ITFG1: variants seen among roughly 807,000 people sequenced by gnomAD.
The protein encoded by ITFG1 is integrin alpha FG-GAP repeat containing 1.
Under a neutral mutation model 81.8 loss-of-function variants are expected in ITFG1, and 34 were observed. The ratio of observed to expected loss-of-function variants is 0.42; its 90% CI spans 0.32 to 0.55. The LOEUF is 0.55. ITFG1 is among the 20% of genes least tolerant of loss of function. ITFG1 has a pLI of 0.17. For synonymous variants in ITFG1, 285 were observed against 270.6 expected, an observed-to-expected ratio of 1.05 and a Z score of -0.52; for missense variants, 672 against 755.4, an observed-to-expected ratio of 0.89 and a Z score of 1.29.
intron 6 of ITFG1, among the ~76,000 whole-genome samples, chr16:47,391,953 AC>A (rs1257510059): frequency 1.3e-5 from 2 of 152,202 alleles, no homozygotes; most frequent in East Asian, 3.8e-4. Flanking sequence ...TACTGTTCTA[AC>A]TGGAAATACA....
chr16:47,389,791 GTT>G (rs1168842317), intron 6 of ITFG1, among the ~76,000 whole-genome samples: 2 of 152,070 alleles, frequency 1.3e-5, no homozygotes, highest in African/African-American at 4.8e-5. Context: ...AAAATAAAAA[GTT>G]AAAAAAGTTA....
intron 10 of ITFG1, among the ~76,000 whole-genome samples, chr16:47,305,972 T>C (rs1341149242): frequency 6.6e-6 from 1 of 152,112 alleles, no homozygotes; most frequent in Non-Finnish European, 1.5e-5. Flanking sequence ...TAAATAACTG[T>C]AGCAACAAAA....
At chr16:47,189,904 T>C (rs1965271750) in intron 14 of ITFG1, among the ~76,000 whole-genome samples, 1 of 152,200 alleles carries the variant, frequency 6.6e-6, no homozygotes, top group East Asian at 1.9e-4. Flanking sequence ...TCCACACAGC[T>C]CCCATAAAAC....
intron 6 of ITFG1, among the ~76,000 whole-genome samples, chr16:47,423,934 T>C (rs371453260): frequency 2.6e-5 from 4 of 152,324 alleles, no homozygotes; most frequent in East Asian, 1.9e-4. Context: ...AGGAGTATCT[T>C]TGTGGTATTC....
At chr16:47,330,497 C>T (rs1464126526) in intron 8 of ITFG1, among the ~76,000 whole-genome samples, 2 of 151,388 alleles carry the variant, frequency 1.3e-5, no homozygotes, top group Non-Finnish European at 3.0e-5. Flanking sequence ...ATAAACAAAC[C>T]CAAAAAACAA....
chr16:47,226,653 G>A (rs1352418802), intron 13 of ITFG1, among the ~76,000 whole-genome samples: 3 of 151,520 alleles, frequency 2.0e-5, no homozygotes, highest in Non-Finnish European at 4.4e-5. Context: ...ACAGTTCGCT[G>A]AGAATGATGG....
intron 7 of ITFG1, among the ~76,000 whole-genome samples, chr16:47,366,484 A>AG (rs1243037418): frequency 1.3e-5 from 2 of 152,216 alleles, no homozygotes; most frequent in East Asian, 3.8e-4. Context: ...TAAGCTAAAT[A>AG]GAAAAGGAGA....
chr16:47,163,171 A>G (rs1028006334), intron 14 of ITFG1, among the ~76,000 whole-genome samples: 25 of 152,230 alleles, frequency 1.6e-4, no homozygotes, highest in African/African-American at 6.0e-4. Flanking sequence ...TCACCCGTTT[A>G]AAGTGTACAG....
chr16:47,375,152 T>C (rs1176417729), intron 7 of ITFG1, among the ~76,000 whole-genome samples: 1 of 152,196 alleles, frequency 6.6e-6, no homozygotes, highest in Admixed American at 6.5e-5. Context: ...TTCATAAAGA[T>C]CCTGTGAAGC....
chr16:47,364,277 T>G (rs1407510488), intron 8 of ITFG1, among the ~76,000 whole-genome samples: 2 of 152,224 alleles, frequency 1.3e-5, no homozygotes, highest in Non-Finnish European at 2.9e-5. Flanking sequence ...TTAATTTGAC[T>G]GTGTCTTATA....
intron 14 of ITFG1, among the ~76,000 whole-genome samples, chr16:47,210,988 C>T (rs973309154): frequency 3.3e-5 from 5 of 152,122 alleles, no homozygotes; most frequent in Non-Finnish European, 5.9e-5. Flanking sequence ...AGCACAATTA[C>T]TTTTGCAGTA....
chr16:47,428,883 A>C lies in ITFG1; in HGVS notation c.576T>G (p.His192Gln). The change falls in exon 6 of 18, where the codon CAT (histidine) becomes CAG (glutamine). Residue 192 changes from histidine to glutamine, a missense_variant. Physicochemically the swap from His to Gln is conservative, Grantham distance 24. Around this residue, in one of 3 missense-constraint regions of ITFG1, gnomAD observed 560 missense variants for 625.7 expected, o/e 0.90. Transcript: ENST00000320640. ...QILLGGNLSW[H>Q]PALTTTSKMR... is the part of the protein sequence containing the mutation. ...TTTTACTTGTAGTGGTCAATGCTGGATGCCATGATAAATTCCTAAAAAATA... is the reference window on the plus strand; with the variant it reads ...TTTTACTTGTAGTGGTCAATGCTGGCTGCCATGATAAATTCCTAAAAAATA... The C allele has an allele frequency of 6.3e-7, 1 of 1,587,302 alleles. No individual in the cohort carries two copies.
rs531190595 is a variant in ITFG1 at position 47,319,416 on chromosome 16, G to C, written c.803-5593C>G. ...AACTACCGAAGCTGGAATAACAGTAGCTTGTCTGTCAAGTTGTTCTTTCAA... is the reference window on the plus strand; with the variant it reads ...AACTACCGAAGCTGGAATAACAGTACCTTGTCTGTCAAGTTGTTCTTTCAA... On this transcript the variant is annotated intron_variant, in intron 8 of 17. Coordinates refer to ENST00000320640, the MANE Select transcript of ITFG1 (RefSeq NM_030790.5). Among the ~76,000 whole-genome samples, 5 of 152,280 alleles carry C rather than the reference G, an allele frequency of 3.3e-5. No individual in the cohort carries two copies. In the South Asian group the frequency reaches 1.0e-3, roughly 32 times the overall value.
At chr16:47,207,962 T>G (rs755985764) in intron 14 of ITFG1, among the ~76,000 whole-genome samples, 24 of 152,194 alleles carry the variant, frequency 1.6e-4, no homozygotes, top group Non-Finnish European at 2.6e-4. Flanking sequence ...GTATAAGCCC[T>G]TAGTATGCAT....
intron 6 of ITFG1, among the ~76,000 whole-genome samples, chr16:47,396,667 T>C (rs1193490686): frequency 6.6e-6 from 1 of 151,714 alleles, no homozygotes; most frequent in African/African-American, 2.4e-5. Flanking sequence ...TTACCATGGA[T>C]AGGAGGGAAA....
chr16:47,181,417 C>G (rs1331689040), intron 14 of ITFG1, among the ~76,000 whole-genome samples: 1 of 147,256 alleles, frequency 6.8e-6, no homozygotes, highest in Non-Finnish European at 1.5e-5. Context: ...GTCAGCCCCC[C>G]CGCCCGGCCA....
At chr16:47,166,903 C>A (rs1248836370) in intron 14 of ITFG1, among the ~76,000 whole-genome samples, 1 of 152,168 alleles carries the variant, frequency 6.6e-6, no homozygotes, top group Non-Finnish European at 1.5e-5. Flanking sequence ...CATCACTTTA[C>A]ATTTCCATTA....
At chr16:47,217,804 G>A (rs1965643068) in intron 14 of ITFG1, among the ~76,000 whole-genome samples, 1 of 151,874 alleles carries the variant, frequency 6.6e-6, no homozygotes, top group Admixed American at 6.6e-5. Flanking sequence ...GGGCACCTGT[G>A]GTCCCAGCTG....
At chr16:47,228,590 C>T (rs867580973) in intron 13 of ITFG1, among the ~76,000 whole-genome samples, 1 of 152,246 alleles carries the variant, frequency 6.6e-6, no homozygotes, top group Middle Eastern at 3.4e-3. Context: ...AGACAAGTCT[C>T]GAACTCCTGG....
Sources: gnomAD v4.1 joint callset for allele counts (sites outside exome capture counted in the v4.1 genomes callset) on GRCh38, gnomAD v4.1.1 for gene constraint, gnomAD v4.1.1 regional missense constraint, MANE v1.5 for transcripts, NCBI Gene and HGNC (gene_info 2026-07-23, HGNC 2026-07-21) for gene names.